The following RIPOR2 variants were observed in gnomAD, a reference collection of about 807,000 sequenced individuals.
RIPOR2 encodes the protein rho family-interacting cell polarization regulator 2.
In RIPOR2, 39 loss-of-function variants were observed where a neutral mutation model predicts 114.5. The ratio of observed to expected loss-of-function variants is 0.34; its 90% CI spans 0.26 to 0.44. RIPOR2 has a LOEUF of 0.44. Among genes scored for constraint, RIPOR2 ranks in the 20% least tolerant of loss-of-function variants. The probability of loss-of-function intolerance (pLI) is 1.00; values close to 1 mark genes in which losing one functional copy is unlikely to be tolerated. For synonymous variants in RIPOR2, 445 were observed against 484.4 expected (o/e 0.92, Z 1.07); for missense variants, 1,007 against 1,255.1 (o/e 0.80, Z 2.99).
intron 8 of RIPOR2, among the ~76,000 whole-genome samples, chr6:24,857,870 T>C (rs1022479019): frequency 6.6e-6 from 1 of 152,202 alleles, no homozygotes; most frequent in Non-Finnish European, 1.5e-5. Context: ...TTAAGTGCTC[T>C]CCGTTTAGCC....
At chr6:25,008,102 A>T (rs370294723) in intron 1 of RIPOR2, among the ~76,000 whole-genome samples, 1 of 152,214 alleles carries the variant, frequency 6.6e-6, no homozygotes, top group South Asian at 2.1e-4. Context: ...TGATGCCAAG[A>T]CAAGCATGGT....
At chr6:24,906,070 T>C (rs1385931797) in intron 1 of RIPOR2, among the ~76,000 whole-genome samples, 3 of 152,222 alleles carry the variant, frequency 2.0e-5, no homozygotes, top group African/African-American at 7.2e-5. Flanking sequence ...GTTTTCGGTA[T>C]GGTCATTGGC....
intron 1 of RIPOR2, among the ~76,000 whole-genome samples, chr6:24,915,094 G>A (rs939085967): frequency 1.3e-5 from 2 of 152,136 alleles, no homozygotes; most frequent in African/African-American, 2.4e-5. Flanking sequence ...TACAACAGAG[G>A]TCTAATTTCT....
At chr6:24,878,221 G>A (rs1165776444) in intron 1 of RIPOR2, among the ~76,000 whole-genome samples, 2 of 152,166 alleles carry the variant, frequency 1.3e-5, no homozygotes, top group Admixed American at 1.3e-4. Context: ...TCCTTAATGA[G>A]GTTCTCCTCT....
chr6:24,843,500 G>C lies in RIPOR2; in HGVS notation c.1219C>G (p.Pro407Ala). 6.4e-7 allele frequency: 1 copy of C among 1,555,224 alleles called. No individual in the cohort carries two copies. Among genetic ancestry groups the C allele is most frequent in the South Asian group, 1.2e-5 (1 of 83,864 alleles). The change falls in exon 13 of 22, where the codon CCA becomes GCA. Residue 407 changes from proline to alanine, a missense_variant. Coordinates refer to ENST00000643898, the MANE Select transcript of RIPOR2 (RefSeq NM_001286445.3). The part of the protein sequence containing the change: ...ENGKAAEEKM[P>A]LSLSFSDLPN... Reference sequence around the variant, plus strand: ...AGGTCACTGAAGCTGAGCGACAGTGGCATTTTCTCCTCGGCTGCCTTTCCA... The same window carrying C: ...AGGTCACTGAAGCTGAGCGACAGTGCCATTTTCTCCTCGGCTGCCTTTCCA...
chr6:24,975,239 A>C (rs1361849527), intron 1 of RIPOR2, among the ~76,000 whole-genome samples: 1 of 152,244 alleles, frequency 6.6e-6, no homozygotes, highest in Non-Finnish European at 1.5e-5. Context: ...TAATTGTAGA[A>C]GTTTAAACAC....
chr6:24,805,472 C>A lies in RIPOR2; in HGVS notation c.*901G>T, dbSNP rs1780716105. The A allele has an allele frequency of 6.6e-6, 1 of 151,572 alleles. No homozygotes were observed. Among genetic ancestry groups the A allele is most frequent in the Non-Finnish European group, 1.5e-5 (1 of 67,946 alleles). 9.4% of individuals were successfully genotyped at this position (151,572 alleles called of 1,614,324 possible). ...GCAGTAGTGTAATCTCAGCTTACTG[C>A]AACCTCTGCCTCAAGTGATCCTCCC... On this transcript the variant is annotated 3_prime_UTR_variant, in exon 22 of 22. Coordinates refer to ENST00000643898, the MANE Select transcript of RIPOR2 (RefSeq NM_001286445.3).
At chr6:24,942,032 G>A (rs976036114) in intron 1 of RIPOR2, among the ~76,000 whole-genome samples, 8 of 152,144 alleles carry the variant, frequency 5.3e-5, no homozygotes, top group African/African-American at 1.2e-4. Context: ...GACAGCCAAA[G>A]AAGGCAAGAT....
chr6:24,877,782 A>T (rs1765944495), intron 1 of RIPOR2, among the ~76,000 whole-genome samples: 1 of 152,216 alleles, frequency 6.6e-6, no homozygotes, highest in South Asian at 2.1e-4. Flanking sequence ...TTCCTGAAGC[A>T]TGGCCCTACT....
At chr6:25,030,428 C>A (rs1776867754) in intron 1 of RIPOR2, among the ~76,000 whole-genome samples, 1 of 152,124 alleles carries the variant, frequency 6.6e-6, no homozygotes, top group Non-Finnish European at 1.5e-5. Flanking sequence ...TGCCCCAGAA[C>A]TTGGGGGTTG....
At chr6:25,006,003 C>A (rs1775549309) in intron 1 of RIPOR2, among the ~76,000 whole-genome samples, 1 of 151,976 alleles carries the variant, frequency 6.6e-6, no homozygotes, top group Non-Finnish European at 1.5e-5. Flanking sequence ...TCCTTCCAGG[C>A]TTTTTAAATT....
intron 1 of RIPOR2, among the ~76,000 whole-genome samples, chr6:24,953,289 T>C (rs1325188394): frequency 5.9e-5 from 9 of 152,018 alleles, no homozygotes; most frequent in African/African-American, 1.7e-4. Flanking sequence ...GCCGATATTG[T>C]GCCATTGAAT....
intron 1 of RIPOR2, among the ~76,000 whole-genome samples, chr6:25,029,891 C>T (rs150042329): frequency 1.4e-4 from 22 of 152,322 alleles, no homozygotes; most frequent in African/African-American, 3.8e-4. Flanking sequence ...TTCTTTCACT[C>T]TTTCCCTTCT....
chr6:24,822,136 G>A (rs1386740049), intron 19 of RIPOR2, among the ~76,000 whole-genome samples: 1 of 152,198 alleles, frequency 6.6e-6, no homozygotes, highest in African/African-American at 2.4e-5. Flanking sequence ...AGAGAAATGG[G>A]CAGGGGAAAA....
chr6:24,843,172 A>T lies in RIPOR2; in HGVS notation c.1547T>A (p.Val516Asp). 1 of 1,614,006 alleles carries T rather than the reference A, an allele frequency of 6.2e-7. No homozygotes were observed. Among genetic ancestry groups the T allele is most frequent in the Non-Finnish European group, 8.5e-7 (1 of 1,179,882 alleles). The change falls in exon 13 of 22, where the codon GTT becomes GAT. Residue 516 changes from valine (V) to aspartate (D), a missense_variant. Coordinates refer to ENST00000643898, the MANE Select transcript of RIPOR2 (RefSeq NM_001286445.3). Reference sequence around the variant, plus strand: ...AGACTCTTGCAGAAGTGCTTCTGCAACATCATTCTCAAGGAACAGGTGCTC... The same window carrying T: ...AGACTCTTGCAGAAGTGCTTCTGCATCATCATTCTCAAGGAACAGGTGCTC... ...GAEHLFLEND[V>D]AEALLQESEE...
chr6:25,031,560 T>C (rs1163111684), intron 1 of RIPOR2, among the ~76,000 whole-genome samples: 4 of 149,644 alleles, frequency 2.7e-5, no homozygotes, highest in Non-Finnish European at 4.4e-5. Flanking sequence ...TTGACTGATA[T>C]ATATATATAT....
chr6:24,859,060 T>C (rs1763799050), intron 8 of RIPOR2, among the ~76,000 whole-genome samples: 1 of 152,156 alleles, frequency 6.6e-6, no homozygotes, highest in Non-Finnish European at 1.5e-5. Context: ...GAGGTGGGAA[T>C]GCATTAGGAA....
intron 1 of RIPOR2, among the ~76,000 whole-genome samples, chr6:24,931,377 T>C (rs1336730867): frequency 6.6e-6 from 1 of 152,186 alleles, no homozygotes; most frequent in Non-Finnish European, 1.5e-5. Flanking sequence ...AAGTGCTAAC[T>C]TACTTGGCTT....
At chr6:25,026,637 T>C (rs1776639708) in intron 1 of RIPOR2, among the ~76,000 whole-genome samples, 1 of 152,256 alleles carries the variant, frequency 6.6e-6, no homozygotes, top group Non-Finnish European at 1.5e-5. Flanking sequence ...TGTGTACTTA[T>C]AAAGAAATCA....
Sources: gnomAD v4.1 joint callset for allele counts (sites outside exome capture counted in the v4.1 genomes callset) on GRCh38, gnomAD v4.1.1 for gene constraint, MANE v1.5 for transcripts, NCBI Gene and HGNC (gene_info 2026-07-23, HGNC 2026-07-21) for gene names.